The following TRPM6 variants were observed in gnomAD, a reference collection of about 807,000 sequenced individuals.
TRPM6 encodes channel kinase 2.
A neutral mutation model predicts 247.6 loss-of-function variants in TRPM6; 111 were observed. The ratio of observed to expected loss-of-function variants is 0.45; its 90% CI spans 0.38 to 0.52. The LOEUF (loss-of-function observed/expected upper bound fraction) is 0.52. Ranked by LOEUF, TRPM6 falls within the 20% of genes least tolerant of loss-of-function variation. The pLI is 0.00. For missense variants in TRPM6, 2,126 were observed against 2,421.5 expected, an observed-to-expected ratio of 0.88 and a Z score of 2.56; for synonymous variants, 892 against 853.8, an observed-to-expected ratio of 1.04 and a Z score of -0.78.
intron 6 of TRPM6, among the ~76,000 whole-genome samples, chr9:74,832,040 A>AC (rs1334734163): frequency 6.6e-6 from 1 of 152,032 alleles, no homozygotes; most frequent in Non-Finnish European, 1.5e-5. Context: ...AAAAAGAGAG[A>AC]CCCCCATATA....
At chr9:74,842,021 G>A (rs1362659849) in intron 4 of TRPM6, 145 bp downstream of exon 4, 29 of 837,824 alleles carry the variant, frequency 3.5e-5, no homozygotes, top group Non-Finnish European at 1.9e-6. Flanking sequence ...TGAGGCAGGA[G>A]AATCACTTGA....
chr9:74,834,233 G>A (rs1180680447), intron 5 of TRPM6, 111 bp from the exon 6 acceptor site: 12 of 1,312,190 alleles, frequency 9.1e-6, no homozygotes. Flanking sequence ...GCTATTCTTA[G>A]GGAGAGTTGC....
intron 36 of TRPM6, among the ~76,000 whole-genome samples, chr9:74,733,071 G>A (rs1347956558): frequency 6.6e-6 from 1 of 151,996 alleles, no homozygotes; most frequent in Admixed American, 6.6e-5. Flanking sequence ...GTGCATGCCT[G>A]TAATCTCAGC....
chr9:74,764,211 G>A (rs1407421252), intron 25 of TRPM6, among the ~76,000 whole-genome samples: 1 of 152,076 alleles, frequency 6.6e-6, no homozygotes, highest in African/African-American at 2.4e-5. Context: ...CTCTGTATGT[G>A]GATGAGGTTG....
chr9:74,825,671 G>C (rs1240078476), intron 7 of TRPM6, among the ~76,000 whole-genome samples: 1 of 152,078 alleles, frequency 6.6e-6, no homozygotes, highest in Non-Finnish European at 1.5e-5. Context: ...CAGGGTTGTT[G>C]CATTCTTACT....
chr9:74,803,758 A>T (rs1828428774), intron 15 of TRPM6, 36 bp downstream of exon 15: 1 of 1,462,924 alleles, frequency 6.8e-7, no homozygotes, highest in East Asian at 2.3e-5. Context: ...TGCAAAAAAC[A>T]TTTTCCTTTC....
chr9:74,735,304 A>G (rs1413139576), intron 36 of TRPM6, among the ~76,000 whole-genome samples: 1 of 152,116 alleles, frequency 6.6e-6, no homozygotes, highest in African/African-American at 2.4e-5. Context: ...AGAAAAGAGC[A>G]GCCCCAAGTA....
chr9:74,740,160 T>C, intron 33 of TRPM6, 151 bp from the exon 34 acceptor site: 1 of 886,158 alleles, frequency 1.1e-6, no homozygotes, highest in South Asian at 1.5e-5. Flanking sequence ...TAAGGACATG[T>C]ATCAGGCTGG....
intron 12 of TRPM6, among the ~76,000 whole-genome samples, chr9:74,811,409 T>C (rs1358047111): frequency 6.6e-6 from 1 of 152,192 alleles, no homozygotes; most frequent in Non-Finnish European, 1.5e-5. Context: ...AAGACTTGAA[T>C]AAATCATTGA....
chr9:74,775,073 G>A lies in TRPM6; in HGVS notation c.3403+810C>T, dbSNP rs977642998. Among the ~76,000 whole-genome samples, 5 of 152,134 alleles carry A rather than the reference G, an allele frequency of 3.3e-5. No individual in the cohort carries two copies. In the South Asian group the frequency reaches 6.2e-4, roughly 19 times the overall value. ...GAACTACAGAATAAAACCACCAAAC[G>A]CAATGTTCTCTGACAACAATTAGTA... is the stretch of plus-strand genomic sequence containing the variant. On this transcript the variant is annotated intron_variant, in intron 24 of 38. Transcript: ENST00000360774.
At chr9:74,850,131 G>A (rs569454376) in intron 3 of TRPM6, among the ~76,000 whole-genome samples, 181 of 152,282 alleles carry the variant, frequency 1.2e-3, no homozygotes, top group Non-Finnish European at 2.3e-3. Context: ...CAGCACTTTG[G>A]GAGGCCAAGG....
intron 1 of TRPM6, among the ~76,000 whole-genome samples, chr9:74,878,187 G>A (rs551520918): frequency 1.3e-5 from 2 of 152,108 alleles, no homozygotes; most frequent in African/African-American, 2.4e-5. Flanking sequence ...GGGAACCAGA[G>A]GATTGTCTCA....
chr9:74,862,700 G>A (rs1830725189), intron 1 of TRPM6, among the ~76,000 whole-genome samples: 1 of 152,164 alleles, frequency 6.6e-6, no homozygotes, highest in Non-Finnish European at 1.5e-5. Flanking sequence ...ACATAAAATT[G>A]TCCGGGTGTG....
At chr9:74,773,761 C>T (rs572696772) in intron 24 of TRPM6, among the ~76,000 whole-genome samples, 2 of 151,984 alleles carry the variant, frequency 1.3e-5, no homozygotes, top group Non-Finnish European at 2.9e-5. Context: ...AAATTAATGA[C>T]AAAAAATCTG....
At chr9:74,847,000 C>G (rs1294491124) in intron 3 of TRPM6, among the ~76,000 whole-genome samples, 5 of 152,140 alleles carry the variant, frequency 3.3e-5, no homozygotes, top group Admixed American at 2.6e-4. Context: ...ACTAATCCAC[C>G]ATGACATTAT....
intron 2 of TRPM6, 78 bp downstream of exon 2, chr9:74,858,591 A>G: frequency 1.1e-6 from 1 of 880,022 alleles, no homozygotes; most frequent in Admixed American, 2.4e-5. Flanking sequence ...CTTCTAAACA[A>G]GTCATATTTC....
At chr9:74,744,211 T>C (rs1179465928) in intron 31 of TRPM6, 66 bp from the exon 32 acceptor site, 1 of 1,503,030 alleles carries the variant, frequency 6.7e-7, no homozygotes, top group East Asian at 2.3e-5. Flanking sequence ...TTTATGAATA[T>C]ATTGCCTTCA....
At chr9:74,768,719 G>A (rs997713257) in intron 25 of TRPM6, among the ~76,000 whole-genome samples, 2 of 152,118 alleles carry the variant, frequency 1.3e-5, no homozygotes, top group African/African-American at 4.8e-5. Flanking sequence ...CAACCTTGGC[G>A]AGGCTGTGGA....
At chr9:74,804,556 A>C in intron 14 of TRPM6, 1 of 740,776 alleles carries the variant, frequency 1.3e-6, no homozygotes, top group Non-Finnish European at 2.5e-6. Flanking sequence ...GCGGTGACCA[A>C]GGAGGAATTT....
Sources: gnomAD v4.1 joint callset for allele counts (sites outside exome capture counted in the v4.1 genomes callset) on GRCh38, gnomAD v4.1.1 for gene constraint, MANE v1.5 for transcripts, NCBI Gene and HGNC (gene_info 2026-07-23, HGNC 2026-07-21) for gene names.